The following DOCK1 variants were observed in gnomAD, a reference collection of about 807,000 sequenced individuals.
DOCK1 encodes the protein dedicator of cytokinesis 1, also known as dedicator of cytokinesis protein 1.
DOCK1 carries 138 observed loss-of-function variants against 262.7 expected under a neutral mutation model. The observed-to-expected ratio is 0.53, with a 90% CI of 0.46 to 0.61. The LOEUF (loss-of-function observed/expected upper bound fraction) is 0.61. DOCK1 is among the 20% of genes least tolerant of loss of function. The pLI is 0.00. For synonymous variants in DOCK1, 866 were observed against 867.4 expected, an observed-to-expected ratio of 1.00 and a Z score of 0.03; for missense variants, 1,908 against 2,370.7, an observed-to-expected ratio of 0.80 and a Z score of 4.05.
chr10:127,311,586 A>G (rs1453764873), intron 29 of DOCK1, among the ~76,000 whole-genome samples: 2 of 152,204 alleles, frequency 1.3e-5, no homozygotes, highest in Admixed American at 6.5e-5. Flanking sequence ...CCGCAAAAGA[A>G]TGAAATCTGA....
chr10:127,354,792 C>CA (rs2064059108), intron 32 of DOCK1, 65 bp downstream of exon 32: 1 of 1,595,172 alleles, frequency 6.3e-7, no homozygotes, highest in Non-Finnish European at 8.6e-7. Flanking sequence ...TGGCACTGGC[C>CA]GTGTTCATCA....
chr10:127,451,211 C>G, intron 51 of DOCK1, 121 bp from the exon 52 acceptor site: 1 of 1,129,294 alleles, frequency 8.9e-7, no homozygotes. Context: ...TGGAGCCCAA[C>G]TCATGTGGGG....
At position 127,037,829 on chromosome 10, in the gene DOCK1, C is replaced by G; in HGVS notation, c.2010+13C>G. 1 of 1,528,010 alleles carries G rather than the reference C, an allele frequency of 6.5e-7. No individual in the cohort carries two copies. Among genetic ancestry groups the G allele is most frequent in the African/African-American group, 1.4e-5 (1 of 70,456 alleles). 94.7% of individuals were successfully genotyped at this position (1,528,010 alleles called of 1,614,324 possible). A position where few individuals can be genotyped will look rare whatever the true frequency, so the allele number is the denominator to read the frequency against. On this transcript the variant is annotated intron_variant, in intron 19 of 51. Coordinates refer to ENST00000623213, the MANE Select transcript of DOCK1 (RefSeq NM_001290223.2). ...TGAAGTAGTGAAGGTAACATGGAGC[C>G]CAAAGGGACTTTTTGGGTCTTTTTT...
chr10:127,037,263 C>T (rs1182992500), intron 18 of DOCK1, among the ~76,000 whole-genome samples: 4 of 152,154 alleles, frequency 2.6e-5, no homozygotes, highest in African/African-American at 9.7e-5. Flanking sequence ...CTTAACCTTG[C>T]AGTCTCAGTA....
rs529618711 is a variant in DOCK1, at chr10:127,135,309, T to C, written c.2847+7545T>C. On this transcript the variant is annotated intron_variant, in intron 27 of 51. Coordinates refer to ENST00000623213, the MANE Select transcript of DOCK1 (RefSeq NM_001290223.2). The stretch of plus-strand genomic sequence containing the variant: ...CCCAGGCCTTACGATGCTCTTGTCT[T>C]CTGCAGACCGGATGAAATGCCTATC... 3.3e-5 allele frequency: 5 copies of C among 152,336 alleles called. No homozygotes were observed. In the East Asian group the frequency reaches 9.7e-4, roughly 29 times the overall value. 9.4% of individuals were successfully genotyped at this position (152,336 alleles called of 1,614,324 possible). A position where few individuals can be genotyped will look rare whatever the true frequency, so the allele number is the denominator to read the frequency against.
chr10:126,956,470 G>A (rs1194619616), intron 1 of DOCK1, among the ~76,000 whole-genome samples: 2 of 152,176 alleles, frequency 1.3e-5, no homozygotes, highest in African/African-American at 4.8e-5. Flanking sequence ...CAGGAGGGGA[G>A]CACAGGAACA....
chr10:127,173,519 C>G (rs2054777886), intron 27 of DOCK1, among the ~76,000 whole-genome samples: 1 of 152,146 alleles, frequency 6.6e-6, no homozygotes, highest in Non-Finnish European at 1.5e-5. Context: ...CTCTCAGGTT[C>G]TTCTTTGGGC....
At chr10:126,997,086 A>T (rs919081057) in intron 7 of DOCK1, among the ~76,000 whole-genome samples, 1 of 152,132 alleles carries the variant, frequency 6.6e-6, no homozygotes, top group Non-Finnish European at 1.5e-5. Flanking sequence ...GTCGGACAGC[A>T]TTGTGTTTCA....
intron 23 of DOCK1, among the ~76,000 whole-genome samples, chr10:127,076,091 C>T (rs2046517560): frequency 6.6e-6 from 1 of 152,174 alleles, no homozygotes; most frequent in Admixed American, 6.5e-5. Context: ...GTCCTTCTTA[C>T]ACAGAGGGGT....
chr10:127,391,970 G>C (rs2066503062), intron 38 of DOCK1, among the ~76,000 whole-genome samples: 1 of 141,304 alleles, frequency 7.1e-6, no homozygotes, highest in Non-Finnish European at 1.6e-5. Context: ...CCTCTCACCT[G>C]GCATGAGGCC....
chr10:126,987,183 TG>T (rs139113162), intron 4 of DOCK1, among the ~76,000 whole-genome samples: 2 of 152,330 alleles, frequency 1.3e-5, no homozygotes, highest in Non-Finnish European at 2.9e-5. Context: ...TTAAGATAGA[TG>T]GGTACACATA....
At chr10:127,182,917 G>A (rs555671265) in intron 27 of DOCK1, among the ~76,000 whole-genome samples, 4 of 152,236 alleles carry the variant, frequency 2.6e-5, no homozygotes, top group African/African-American at 7.2e-5. Flanking sequence ...CAATCAGCTG[G>A]TAGTTTGGGG....
intron 43 of DOCK1, among the ~76,000 whole-genome samples, chr10:127,411,458 C>T (rs1251336907): frequency 6.6e-6 from 1 of 152,098 alleles, no homozygotes; most frequent in African/African-American, 2.4e-5. Flanking sequence ...TGGTGGGGAC[C>T]ATCCAGTGCA....
chr10:127,079,322 T>A (rs2046761922), intron 23 of DOCK1, among the ~76,000 whole-genome samples: 2 of 152,222 alleles, frequency 1.3e-5, no homozygotes, highest in African/African-American at 4.8e-5. Context: ...CTTGTTTCCA[T>A]CAAGAAAGGA....
At chr10:127,251,744 G>A (rs1267741904) in intron 28 of DOCK1, among the ~76,000 whole-genome samples, 2 of 149,686 alleles carry the variant, frequency 1.3e-5, no homozygotes, top group African/African-American at 4.9e-5. Context: ...GTATTCCATG[G>A]TGTATATGTG....
rs3066813 is a variant in DOCK1, at chr10:127,183,071, C to CTTTTTTTTTTTTTTTTT, written c.2847+55316_2847+55332dup. Among the ~76,000 whole-genome samples the CTTTTTTTTTTTTTTTTT allele has an allele frequency of 3.4e-5, 3 of 88,634 alleles. 1 individual carries two copies. Among genetic ancestry groups the CTTTTTTTTTTTTTTTTT allele is most frequent in the African/African-American group, 8.5e-5 (2 of 23,396 alleles). 58.1% of individuals were successfully genotyped at this position (88,634 alleles called of 152,430 possible). On this transcript the variant is annotated intron_variant, in intron 27 of 51. Coordinates refer to ENST00000623213, the MANE Select transcript of DOCK1 (RefSeq NM_001290223.2). ...CTTTGCCTTCCTGATTATGGTGAATCTTTTTTTTTTTTTTTTTTTTTTTTT... is the reference window on the plus strand; with the variant it reads ...CTTTGCCTTCCTGATTATGGTGAATCTTTTTTTTTTTTTTTTTTTTTTTTTTTTTTTTTTTTTTTTTT...
At chr10:127,442,072 C>G (rs966846574) in intron 49 of DOCK1, among the ~76,000 whole-genome samples, 3 of 152,166 alleles carry the variant, frequency 2.0e-5, no homozygotes, top group African/African-American at 7.2e-5. Flanking sequence ...TGGAACAAGG[C>G]CATTTCTTCA....
intron 29 of DOCK1, among the ~76,000 whole-genome samples, chr10:127,312,379 C>T (rs2062093804): frequency 6.6e-6 from 1 of 152,204 alleles, no homozygotes; most frequent in East Asian, 1.9e-4. Flanking sequence ...CAATGCCCCT[C>T]TGGGGGCTGC....
chr10:126,919,125 T>C (rs1246605596), intron 1 of DOCK1, among the ~76,000 whole-genome samples: 1 of 152,220 alleles, frequency 6.6e-6, no homozygotes, highest in Non-Finnish European at 1.5e-5. Context: ...ACGAATTGTG[T>C]GGCTCATCCC....
Sources: gnomAD v4.1 joint callset for allele counts (sites outside exome capture counted in the v4.1 genomes callset) on GRCh38, gnomAD v4.1.1 for gene constraint, MANE v1.5 for transcripts, NCBI Gene and HGNC (gene_info 2026-07-23, HGNC 2026-07-21) for gene names.